Variants in BLOC1S5 observed in about 807,000 individuals in gnomAD.
The protein encoded by BLOC1S5 is biogenesis of lysosome-related organelles complex 1 subunit 5.
BLOC1S5 carries 27 observed loss-of-function variants against 24.3 expected under a neutral mutation model. That is an observed-to-expected ratio of 1.11 (90% CI 0.82 to 1.53). The LOEUF (loss-of-function observed/expected upper bound fraction) is 1.53. Ranked by LOEUF, BLOC1S5 falls within the 40% of genes most tolerant of loss-of-function variation. The probability of loss-of-function intolerance (pLI) is 0.00; values close to 1 mark genes in which losing one functional copy is unlikely to be tolerated. For synonymous variants in BLOC1S5, 84 were observed against 74.5 expected, an observed-to-expected ratio of 1.13 and a Z score of -0.66; for missense variants, 239 against 229.4, an observed-to-expected ratio of 1.04 and a Z score of -0.27.
intron 2 of BLOC1S5, among the ~76,000 whole-genome samples, chr6:8,044,100 G>A (rs1050904707): frequency 3.3e-5 from 5 of 151,940 alleles, no homozygotes; most frequent in Non-Finnish European, 7.4e-5. Flanking sequence ...TGGCCAACAC[G>A]GTGAAACCCC....
intron 2 of BLOC1S5, among the ~76,000 whole-genome samples, chr6:8,055,198 G>A (rs535958127): frequency 8.5e-5 from 13 of 152,322 alleles, no homozygotes; most frequent in African/African-American, 3.1e-4. Context: ...TTGGGAAGCC[G>A]AGGCGGGTGG....
At chr6:8,046,060 T>C (rs1422936317) in intron 2 of BLOC1S5, among the ~76,000 whole-genome samples, 1 of 152,162 alleles carries the variant, frequency 6.6e-6, no homozygotes. Context: ...TCAACTTGAA[T>C]TGTATCTCCC....
intron 2 of BLOC1S5, among the ~76,000 whole-genome samples, chr6:8,043,687 A>G (rs1261861700): frequency 7.2e-5 from 11 of 152,360 alleles, no homozygotes; most frequent in Middle Eastern, 3.4e-3. Flanking sequence ...CATTGACAGT[A>G]ATGTATCAAT....
intron 3 of BLOC1S5, among the ~76,000 whole-genome samples, chr6:8,033,505 G>A (rs1357454336): frequency 6.6e-6 from 1 of 152,138 alleles, no homozygotes; most frequent in Non-Finnish European, 1.5e-5. Flanking sequence ...TTAAACGTTA[G>A]ACCTAAAACC....
chr6:8,042,299 CCTTT>C (rs1763720423), intron 2 of BLOC1S5, among the ~76,000 whole-genome samples: 2 of 152,232 alleles, frequency 1.3e-5, no homozygotes, highest in South Asian at 4.1e-4. Flanking sequence ...TATCTGATTC[CCTTT>C]CTTTTCTCAA....
intron 4 of BLOC1S5, among the ~76,000 whole-genome samples, chr6:8,019,601 G>GA (rs1233910566): frequency 4.4e-5 from 2 of 45,742 alleles, no homozygotes; most frequent in African/African-American, 8.2e-5. Context: ...AATCAGTAAA[G>GA]AAAAAAGGGG....
intron 2 of BLOC1S5, among the ~76,000 whole-genome samples, chr6:8,052,321 TTA>T (rs1764141098): frequency 6.6e-6 from 1 of 152,146 alleles, no homozygotes; most frequent in South Asian, 2.1e-4. Context: ...CTTTCAAGAC[TTA>T]TTATTTAAGA....
At chr6:8,041,590 T>C (rs912564082) in intron 2 of BLOC1S5, among the ~76,000 whole-genome samples, 27 of 146,482 alleles carry the variant, frequency 1.8e-4, no homozygotes, top group Non-Finnish European at 2.7e-4. Flanking sequence ...GGGATTATAA[T>C]CGTGAGCCAC....
intron 3 of BLOC1S5, among the ~76,000 whole-genome samples, chr6:8,040,512 C>T (rs1763640472): frequency 6.6e-6 from 1 of 152,126 alleles, no homozygotes; most frequent in Non-Finnish European, 1.5e-5. Flanking sequence ...TAATTGCATA[C>T]TATAAACTTT....
At chr6:8,023,880 C>T (rs556830405) in intron 4 of BLOC1S5, among the ~76,000 whole-genome samples, 2 of 152,040 alleles carry the variant, frequency 1.3e-5, no homozygotes, top group South Asian at 4.2e-4. Context: ...GGTTTGAAAC[C>T]TCTGCCATGT....
At chr6:8,060,987 G>A (rs144682693) in intron 2 of BLOC1S5, among the ~76,000 whole-genome samples, 66 of 152,180 alleles carry the variant, frequency 4.3e-4, no homozygotes, top group African/African-American at 1.5e-3. Context: ...ACCATGCCCG[G>A]CTAATTTTTG....
rs1382378410 is a variant in BLOC1S5, at chr6:8,045,648, C to T, written c.196-4380G>A. On this transcript the variant is annotated intron_variant, in intron 2 of 4. Coordinates refer to ENST00000397457, the MANE Select transcript of BLOC1S5 (RefSeq NM_201280.3). ...CCCAAGACCATAGGAATCCACCTCT[C>T]GCATCAGTGTGGCCTGAATGTGAGA... 9.2e-5 allele frequency among the ~76,000 whole-genome samples: 14 copies of T among 152,326 alleles called. No homozygotes were observed. The East Asian group carries it at 2.1e-3, about 23-fold the overall frequency.
intron 3 of BLOC1S5, among the ~76,000 whole-genome samples, chr6:8,034,762 C>T (rs1257498225): frequency 2.0e-5 from 3 of 152,060 alleles, no homozygotes; most frequent in African/African-American, 7.2e-5. Flanking sequence ...AGTAGATCTA[C>T]CATTTGATCC....
At position 8,014,277 on chromosome 6, in the gene BLOC1S5, G is replaced by C. The variant is rs1762667615; in HGVS notation, c.*1372C>G. 6.6e-6 allele frequency: 1 copy of C among 151,908 alleles called. No individual in the cohort carries two copies. Among genetic ancestry groups the C allele is most frequent in the African/African-American group, 2.4e-5 (1 of 41,374 alleles). 9.4% of individuals were successfully genotyped at this position (151,908 alleles called of 1,614,324 possible). A position where few individuals can be genotyped will look rare whatever the true frequency, so the allele number is the denominator to read the frequency against. On this transcript the variant is annotated 3_prime_UTR_variant, in exon 5 of 5. Coordinates refer to ENST00000397457, the MANE Select transcript of BLOC1S5 (RefSeq NM_201280.3). ...AAAAATCAACTTAGTTCTTCAGTTA[G>C]ATTTTTTTTTTGTTGAGATGGAGTC... is the stretch of plus-strand genomic sequence containing the variant.
At chr6:8,049,077 G>GT (rs1189313118) in intron 2 of BLOC1S5, among the ~76,000 whole-genome samples, 1 of 135,762 alleles carries the variant, frequency 7.4e-6, no homozygotes, top group African/African-American at 2.7e-5. Context: ...GAGGGGAGGG[G>GT]GGAAAGAAAG....
chr6:8,037,891 C>T (rs1389438386), intron 3 of BLOC1S5, among the ~76,000 whole-genome samples: 1 of 152,108 alleles, frequency 6.6e-6, no homozygotes, highest in African/African-American at 2.4e-5. Flanking sequence ...ACAGGCTCTT[C>T]GATAACCAGT....
At chr6:8,052,699 T>C (rs1468527743) in intron 2 of BLOC1S5, among the ~76,000 whole-genome samples, 1 of 152,018 alleles carries the variant, frequency 6.6e-6, no homozygotes, top group Non-Finnish European at 1.5e-5. Context: ...GAGATCATCC[T>C]GGCTAACATG....
At chr6:8,044,871 A>C (rs1426697639) in intron 2 of BLOC1S5, among the ~76,000 whole-genome samples, 1 of 152,216 alleles carries the variant, frequency 6.6e-6, no homozygotes, top group Non-Finnish European at 1.5e-5. Flanking sequence ...TCAGTTTTAT[A>C]AGGTAAGCGG....
chr6:8,055,197 C>T (rs533150156), intron 2 of BLOC1S5, among the ~76,000 whole-genome samples: 21 of 152,142 alleles, frequency 1.4e-4, no homozygotes, highest in Admixed American at 2.6e-4. Flanking sequence ...TTTGGGAAGC[C>T]GAGGCGGGTG....
Sources: gnomAD v4.1 joint callset for allele counts (sites outside exome capture counted in the v4.1 genomes callset) on GRCh38, gnomAD v4.1.1 for gene constraint, MANE v1.5 for transcripts, NCBI Gene and HGNC (gene_info 2026-07-23, HGNC 2026-07-21) for gene names.